PLAC1: variants seen among roughly 807,000 people sequenced by gnomAD.
PLAC1 encodes placenta-specific protein 1.
For missense variants in PLAC1, 136 were observed against 163.2 expected, an observed-to-expected ratio of 0.83 and a Z score of 0.91; for synonymous variants, 68 against 62.1, an observed-to-expected ratio of 1.09 and a Z score of -0.44.
chrX:134,579,931 G>T (rs768553620), intron 2 of PLAC1, among the ~76,000 whole-genome samples: 4 of 111,778 alleles, frequency 3.6e-5, no homozygotes, highest in Non-Finnish European at 7.5e-5. Context: ...CAAGCCACCA[G>T]TTCTAAAATT....
At position 134,566,150 on chromosome X, in the gene PLAC1, CA is replaced by C; in HGVS notation, c.532del (p.Cys178ValfsTer31). On this transcript the variant is annotated frameshift_variant, in exon 3 of 3. Coordinates refer to ENST00000359237, the MANE Select transcript of PLAC1 (RefSeq NM_021796.4). LOFTEE classifies it low-confidence loss of function (END_TRUNC). The part of the protein sequence containing the change: ...FSEEEHTQVP[C>X]HQAGAQEAQP... ...AGCCTCCTGAGCCCCTGCTTGGTGA[CA>C]AGGGACCTGGGTATGCTCTTCTTCA... 8.3e-7 allele frequency: 1 copy of C among 1,211,449 alleles called. No individual in the cohort carries two copies. Among genetic ancestry groups the C allele is most frequent in the East Asian group, 3.0e-5 (1 of 33,822 alleles).
At chrX:134,671,274 T>C (rs767390558) in intron 2 of PLAC1, among the ~76,000 whole-genome samples, 3 of 111,567 alleles carry the variant, frequency 2.7e-5, no homozygotes, top group Non-Finnish European at 5.6e-5. Flanking sequence ...AAAAAATCAA[T>C]TGCACTAATA....
At chrX:134,600,365 C>T (rs1430793442) in intron 2 of PLAC1, among the ~76,000 whole-genome samples, 1 of 111,571 alleles carries the variant, frequency 9.0e-6, no homozygotes, top group Admixed American at 9.5e-5. Context: ...TGAGGTTTTG[C>T]CACGTTGCCC....
chrX:134,645,797 C>A (rs1488914015), intron 1 of PLAC1, among the ~76,000 whole-genome samples: 1 of 111,842 alleles, frequency 8.9e-6, no homozygotes, highest in East Asian at 2.8e-4. Flanking sequence ...CCCATTCAAG[C>A]GTGAGTTTTT....
chrX:134,760,195 A>G (rs1207590795), intron 1 of PLAC1: 1 of 112,073 alleles, frequency 8.9e-6, no homozygotes, highest in African/African-American at 3.2e-5. Context: ...CTTCATTTCT[A>G]TTTTTAGTTT....
intron 2 of PLAC1, among the ~76,000 whole-genome samples, chrX:134,567,811 AGAGGGAGGGAGGGAGG>A (rs759627249): frequency 1.3e-5 from 1 of 75,155 alleles, no homozygotes; most frequent in Non-Finnish European, 2.4e-5. Context: ...AGAGAGAGAG[AGAGGGAGGGAGGGAGG>A]GAGGGAGGGA....
intron 1 of PLAC1, among the ~76,000 whole-genome samples, chrX:134,621,390 G>A (rs934454603): frequency 1.0e-5 from 1 of 97,368 alleles, no homozygotes; most frequent in Non-Finnish European, 2.0e-5. Flanking sequence ...AGGTTGCCGC[G>A]AGCCGAGATC....
At chrX:134,656,357 C>G (rs1346804771) in intron 1 of PLAC1, among the ~76,000 whole-genome samples, 1 of 111,068 alleles carries the variant, frequency 9.0e-6, no homozygotes, top group Non-Finnish European at 1.9e-5. Context: ...AACAGTTGTG[C>G]CTACCTCTCA....
At chrX:134,629,746 C>G (rs1290537135) in intron 1 of PLAC1, among the ~76,000 whole-genome samples, 1 of 110,912 alleles carries the variant, frequency 9.0e-6, no homozygotes. Flanking sequence ...TTTGAGGCTG[C>G]TTCATGAAGG....
chrX:134,599,813 T>G (rs993625617), intron 2 of PLAC1, among the ~76,000 whole-genome samples: 2 of 111,488 alleles, frequency 1.8e-5, no homozygotes, highest in Non-Finnish European at 3.8e-5. Context: ...CCCTTCACTC[T>G]GGGGAGTAGA....
intron 1 of PLAC1, among the ~76,000 whole-genome samples, chrX:134,629,226 C>T (rs1309422115): frequency 8.9e-6 from 1 of 111,880 alleles, no homozygotes; most frequent in African/African-American, 3.2e-5. Flanking sequence ...ATCCCTTGGT[C>T]TCTTACAGGC....
intron 2 of PLAC1, among the ~76,000 whole-genome samples, chrX:134,600,128 C>T (rs190416645): frequency 1.8e-5 from 2 of 110,543 alleles, no homozygotes; most frequent in African/African-American, 6.6e-5. Flanking sequence ...TGGGCTCAAG[C>T]GATCTTCCTG....
rs377566168 is a variant in PLAC1, at chrX:134,590,015, GA to G, written c.-59+12035del. 3.8e-3 allele frequency among the ~76,000 whole-genome samples: 326 copies of G among 84,845 alleles called. 1 individual carries two copies. The highest frequency in any genetic ancestry group is 0.015 in the East Asian group (35 of 2,397). 73.7% of individuals were successfully genotyped at this position (84,845 alleles called of 115,157 possible). A position where few individuals can be genotyped will look rare whatever the true frequency, so the allele number is the denominator to read the frequency against. The stretch of plus-strand genomic sequence containing the variant: ...TCAAGACCATCCTGGCTAACATGGT[GA>G]AAACCCATCTGTACTAAAAATACAA... On this transcript the variant is annotated intron_variant, in intron 2 of 2. Transcript: ENST00000359237.
intron 2 of PLAC1, among the ~76,000 whole-genome samples, chrX:134,681,998 A>G (rs2078498664): frequency 8.9e-6 from 1 of 111,739 alleles, no homozygotes; most frequent in African/African-American, 3.3e-5. Context: ...ATTTTGCTCC[A>G]TTGTAGGCTT....
intron 1 of PLAC1, among the ~76,000 whole-genome samples, chrX:134,643,423 G>A (rs2078316372): frequency 9.0e-6 from 1 of 111,606 alleles, no homozygotes; most frequent in African/African-American, 3.3e-5. Flanking sequence ...ATTTTCCAAA[G>A]CTATCATAAC....
At chrX:134,642,147 C>A in intron 1 of PLAC1, among the ~76,000 whole-genome samples, 1 of 112,440 alleles carries the variant, frequency 8.9e-6, no homozygotes, top group African/African-American at 3.2e-5. Flanking sequence ...GGGGTTGAAA[C>A]CTCTAGATCC....
intron 1 of PLAC1, among the ~76,000 whole-genome samples, chrX:134,760,914 A>G (rs939786085): frequency 9.0e-6 from 1 of 110,710 alleles, no homozygotes; most frequent in African/African-American, 3.3e-5. Flanking sequence ...CCCAGACTAG[A>G]CTGCTTGTGG....
chrX:134,569,784 G>GTT (rs2077896785), intron 2 of PLAC1, among the ~76,000 whole-genome samples: 2 of 99,644 alleles, frequency 2.0e-5, no homozygotes, highest in Non-Finnish European at 3.9e-5. Context: ...GTGTGTGTGT[G>GTT]TGTTTGTGTG....
intron 1 of PLAC1, among the ~76,000 whole-genome samples, chrX:134,634,897 G>A (rs1035105159): frequency 1.3e-4 from 15 of 111,920 alleles, no homozygotes; most frequent in African/African-American, 4.5e-4. Flanking sequence ...GAGTGGAACT[G>A]CTGAGTCATA....
Sources: allele counts gnomAD v4.1 joint callset (sites outside exome capture counted in the v4.1 genomes callset), GRCh38; gene constraint gnomAD v4.1.1; transcripts MANE v1.5; gene names NCBI Gene and HGNC (gene_info 2026-07-23, HGNC 2026-07-21).